PCNX1: variants seen among roughly 807,000 people sequenced by gnomAD.
PCNX1 encodes the protein pecanex-like protein 1.
Under a neutral mutation model 242.2 loss-of-function variants are expected in PCNX1, and 78 were observed. The observed-to-expected ratio is 0.32, with a 90% CI of 0.27 to 0.39. PCNX1 has a LOEUF of 0.39. Among genes scored for constraint, PCNX1 ranks in the 10% least tolerant of loss-of-function variants. PCNX1 has a pLI of 1.00. For synonymous variants in PCNX1, 1,024 were observed against 1,032.9 expected (o/e 0.99, Z 0.17); for missense variants, 2,581 against 2,856.5 (o/e 0.90, Z 2.20).
intron 1 of PCNX1, among the ~76,000 whole-genome samples, chr14:70,931,239 T>G (rs374429887): frequency 1.8e-4 from 27 of 152,246 alleles, no homozygotes; most frequent in African/African-American, 6.5e-4. Context: ...TGTGAGTAAG[T>G]AGAGGTGTTC....
chr14:70,988,814 C>A, intron 7 of PCNX1, 115 bp downstream of exon 7: 3 of 1,294,270 alleles, frequency 2.3e-6, no homozygotes, highest in Admixed American at 2.1e-5. Flanking sequence ...CTTTCTGTTT[C>A]TTTCCTATAC....
intron 1 of PCNX1, among the ~76,000 whole-genome samples, chr14:70,946,670 A>C (rs2057468572): frequency 6.6e-6 from 1 of 152,212 alleles, no homozygotes; most frequent in South Asian, 2.1e-4. Flanking sequence ...GAATCTTTGA[A>C]ATGCAGTGTT....
chr14:71,088,320 T>C lies in PCNX1; in HGVS notation c.5338-10T>C, dbSNP rs773281914. 6.4e-7 allele frequency: 1 copy of C among 1,570,538 alleles called. No individual in the cohort carries two copies. The highest frequency in any genetic ancestry group is 8.8e-7 in the Non-Finnish European group (1 of 1,142,586). On this transcript the variant is annotated splice_polypyrimidine_tract_variant and intron_variant, in intron 28 of 35. Transcript: ENST00000304743. ...CTTTCTGATAACTAATGTTTTTTGT[T>C]TTTTTAAAGCCTGTGGATGTGGACA... is the stretch of plus-strand genomic sequence containing the variant.
intron 8 of PCNX1, among the ~76,000 whole-genome samples, chr14:71,008,190 A>G (rs1395425315): frequency 1.3e-5 from 2 of 152,206 alleles, no homozygotes; most frequent in Non-Finnish European, 2.9e-5. Context: ...AGAATGAAGT[A>G]ATGCTTGAGA....
chr14:70,915,987 A>T (rs1219049599), intron 1 of PCNX1, among the ~76,000 whole-genome samples: 2 of 152,220 alleles, frequency 1.3e-5, no homozygotes, highest in East Asian at 3.9e-4. Context: ...GAAGGGATAA[A>T]CAGTTCATGG....
chr14:70,977,083 A>T lies in PCNX1; in HGVS notation c.746A>T (p.His249Leu). The T allele has an allele frequency of 1.2e-6, 2 of 1,614,122 alleles. No individual in the cohort carries two copies. The highest frequency in any genetic ancestry group is 1.1e-5 in the South Asian group (1 of 91,078). The change falls in exon 6 of 36, where the codon CAC becomes CTC. Residue 249 changes from histidine to leucine, a missense_variant. His to Leu is a moderately conservative substitution (Grantham distance 99). Around this residue, in one of 9 missense-constraint regions of PCNX1, gnomAD observed 1,204 missense variants for 1,216.7 expected, o/e 0.99. Coordinates refer to ENST00000304743, the MANE Select transcript of PCNX1 (RefSeq NM_014982.3). Reference protein sequence around the residue: ...KVNLPSHNHHHHVDQSLSSAC... With the variant: ...KVNLPSHNHHLHVDQSLSSAC... ...AACCTGCCAAGTCATAACCACCACC[A>T]CCATGTTGATCAGTCTCTGTCCAGC...
chr14:70,923,110 C>G (rs2056442939), intron 1 of PCNX1, among the ~76,000 whole-genome samples: 1 of 147,836 alleles, frequency 6.8e-6, no homozygotes, highest in Admixed American at 6.8e-5. Context: ...ACACACACGT[C>G]TTTTTTCTTT....
intron 1 of PCNX1, among the ~76,000 whole-genome samples, chr14:70,944,951 T>A (rs1035188010): frequency 6.6e-6 from 1 of 152,234 alleles, no homozygotes; most frequent in Admixed American, 6.5e-5. Flanking sequence ...CATGTGGAAC[T>A]GTGAGTCAAT....
chr14:70,976,813 C>G, intron 5 of PCNX1, 129 bp from the exon 6 acceptor site: 2 of 769,650 alleles, frequency 2.6e-6, no homozygotes, highest in Non-Finnish European at 4.1e-6. Context: ...GAAAGCAGCT[C>G]TTTGGAGAAC....
chr14:71,076,794 G>A (rs2061730544), intron 28 of PCNX1, among the ~76,000 whole-genome samples: 1 of 152,220 alleles, frequency 6.6e-6, no homozygotes, highest in African/African-American at 2.4e-5. Flanking sequence ...GTCCCAAATA[G>A]AAAGTCTAGA....
intron 2 of PCNX1, among the ~76,000 whole-genome samples, chr14:70,954,666 C>G (rs956667693): frequency 6.6e-6 from 1 of 152,046 alleles, no homozygotes; most frequent in Non-Finnish European, 1.5e-5. Context: ...GTCTAGCAAT[C>G]TTATTAAACC....
chr14:70,929,053 C>T (rs2810113), intron 1 of PCNX1, among the ~76,000 whole-genome samples: 78,647 of 151,902 alleles, frequency 0.52, 20,913 homozygotes, highest in Non-Finnish European at 0.57. Context: ...TGTTCTATTC[C>T]GGGGCCTCTT....
At chr14:70,993,455 T>C (rs1383951164) in intron 7 of PCNX1, among the ~76,000 whole-genome samples, 1 of 152,214 alleles carries the variant, frequency 6.6e-6, no homozygotes, top group Non-Finnish European at 1.5e-5. Flanking sequence ...TTAATAAAAA[T>C]TAAATTGATA....
intron 31 of PCNX1, 116 bp from the exon 32 acceptor site, chr14:71,103,279 G>A (rs546787941): frequency 1.2e-5 from 14 of 1,169,150 alleles, no homozygotes; most frequent in Admixed American, 8.6e-5. Context: ...TTTGTTCCCC[G>A]CTTTTCACAA....
intron 1 of PCNX1, among the ~76,000 whole-genome samples, chr14:70,936,589 A>G (rs2057014934): frequency 6.6e-6 from 1 of 152,246 alleles, no homozygotes; most frequent in Non-Finnish European, 1.5e-5. Flanking sequence ...TGCATTAAAC[A>G]TACGTGTTGC....
At chr14:70,963,435 G>A (rs1323919272) in intron 3 of PCNX1, among the ~76,000 whole-genome samples, 1 of 152,120 alleles carries the variant, frequency 6.6e-6, no homozygotes, top group Non-Finnish European at 1.5e-5. Flanking sequence ...ATTAGAGGTA[G>A]ATCAGACCTA....
intron 32 of PCNX1, among the ~76,000 whole-genome samples, chr14:71,104,091 CTT>C (rs1486748959): frequency 1.3e-5 from 2 of 152,218 alleles, no homozygotes; most frequent in Non-Finnish European, 1.5e-5. Context: ...CACATTGAAA[CTT>C]GATGGCAATG....
chr14:71,037,134 A>G (rs1373522176), intron 19 of PCNX1, among the ~76,000 whole-genome samples: 1 of 151,692 alleles, frequency 6.6e-6, no homozygotes, highest in Non-Finnish European at 1.5e-5. Flanking sequence ...TTGCACATTG[A>G]TTTTGTATCC....
intron 26 of PCNX1, 123 bp from the exon 27 acceptor site, chr14:71,073,422 A>AT: frequency 1.1e-6 from 1 of 925,886 alleles, no homozygotes; most frequent in Non-Finnish European, 1.6e-6. Flanking sequence ...TCTAAGGCAA[A>AT]TCCATCACAT....
Sources: allele counts gnomAD v4.1 joint callset (sites outside exome capture counted in the v4.1 genomes callset), GRCh38; gene constraint gnomAD v4.1.1; regional missense constraint gnomAD v4.1.1; transcripts MANE v1.5; gene names NCBI Gene and HGNC (gene_info 2026-07-23, HGNC 2026-07-21).